The following FBP1 variants were observed in gnomAD, a reference collection of about 807,000 sequenced individuals.
FBP1 encodes the protein fructose-1,6-bisphosphatase 1.
In FBP1, 22 loss-of-function variants were observed where a neutral mutation model predicts 29.9. The ratio of observed to expected loss-of-function variants is 0.74; its 90% CI spans 0.53 to 1.05. The LOEUF is 1.05. Among genes scored for constraint, FBP1 ranks in the 50% least tolerant of loss-of-function variants. The probability of loss-of-function intolerance (pLI) is 0.00; values close to 1 mark genes in which losing one functional copy is unlikely to be tolerated. For synonymous variants in FBP1, 175 were observed against 178.6 expected (o/e 0.98, Z 0.16); for missense variants, 345 against 448.2 (o/e 0.77, Z 2.08).
Position 94,603,489 on chromosome 9 carries a change from C to G in FBP1, c.909G>C (p.Val303=). 2 of 1,614,102 alleles carry G rather than the reference C, an allele frequency of 1.2e-6. No homozygotes were observed. The part of the protein sequence containing the change: ...GGMATTGKEA[V]LDVIPTDIHQ... ...GAATGTCTGTGGGAATGACGTCTAA[C>G]ACGGCCTCCTTCCCAGTGGTGGCCA... The change falls in exon 7 of 7, where the codon GTG becomes GTC. Residue 303 remains valine (V), a synonymous_variant. Coordinates refer to ENST00000375326, the MANE Select transcript of FBP1 (RefSeq NM_000507.4).
intron 4 of FBP1, among the ~76,000 whole-genome samples, chr9:94,608,640 C>T (rs1235105272): frequency 1.3e-5 from 2 of 150,082 alleles, no homozygotes; most frequent in South Asian, 2.1e-4. Flanking sequence ...CCACATTTGG[C>T]GACTTTAACT....
At chr9:94,613,531 GAGGC>G (rs144949816) in intron 3 of FBP1, among the ~76,000 whole-genome samples, 2 of 53,976 alleles carry the variant, frequency 3.7e-5, no homozygotes, top group African/African-American at 5.7e-5. Flanking sequence ...TTGGGAGGTC[GAGGC>G]GGGAGGATCG....
At chr9:94,630,563 C>T (rs970269925) in intron 1 of FBP1, among the ~76,000 whole-genome samples, 1 of 152,190 alleles carries the variant, frequency 6.6e-6, no homozygotes, top group Non-Finnish European at 1.5e-5. Context: ...GGTTCATCTG[C>T]AATATGGGAA....
At chr9:94,614,969 T>C (rs4323529) in intron 3 of FBP1, among the ~76,000 whole-genome samples, 134,489 of 151,972 alleles carry the variant, frequency 0.88, 59,646 homozygotes, top group East Asian at 0.95. Context: ...AGTGCAGTGG[T>C]GCGATCTCGG....
At chr9:94,604,613 G>A (rs1827668939) in intron 6 of FBP1, among the ~76,000 whole-genome samples, 1 of 151,976 alleles carries the variant, frequency 6.6e-6, no homozygotes, top group African/African-American at 2.4e-5. Context: ...GTGAAACCCC[G>A]TCTCTACTAA....
intron 1 of FBP1, among the ~76,000 whole-genome samples, chr9:94,629,529 C>G (rs2131499344): frequency 6.6e-6 from 1 of 152,238 alleles, no homozygotes; most frequent in Non-Finnish European, 1.5e-5. Context: ...AAGGAAGGAT[C>G]AGAGCCTGAA....
chr9:94,619,700 C>G (rs1827915012), intron 2 of FBP1, among the ~76,000 whole-genome samples: 2 of 151,784 alleles, frequency 1.3e-5, no homozygotes, highest in Admixed American at 6.6e-5. Context: ...ATGGTGAAAC[C>G]TCATCTCCAC....
chr9:94,639,603 C>T (rs1828255366), upstream of FBP1: 2 of 526,432 alleles, frequency 3.8e-6, no homozygotes, highest in Non-Finnish European at 6.8e-6. Flanking sequence ...CCCCGCCTAC[C>T]CCGCGGACCA....
intron 3 of FBP1, among the ~76,000 whole-genome samples, chr9:94,611,235 C>T (rs1057162086): frequency 6.6e-6 from 1 of 152,198 alleles, no homozygotes; most frequent in Non-Finnish European, 1.5e-5. Context: ...TTCAGCTTAA[C>T]TACTCTCTGC....
At chr9:94,609,126 T>C (rs1220144076) in intron 4 of FBP1, among the ~76,000 whole-genome samples, 1 of 150,874 alleles carries the variant, frequency 6.6e-6, no homozygotes, top group Non-Finnish European at 1.5e-5. Flanking sequence ...GAGGCAGAAC[T>C]TGCAGTGAGC....
At position 94,603,376 on chromosome 9, in the gene FBP1, G is replaced by A. The variant is rs1827638983; in HGVS notation, c.*5C>T. 1 of 1,612,496 alleles carries A rather than the reference G, an allele frequency of 6.2e-7. No homozygotes were observed. The highest frequency in any genetic ancestry group is 8.5e-7 in the Non-Finnish European group (1 of 1,179,238). On this transcript the variant is annotated 3_prime_UTR_variant, in exon 7 of 7. Coordinates refer to ENST00000375326, the MANE Select transcript of FBP1 (RefSeq NM_000507.4). ...CAATTCTCCGGATGCAGGCAGGGCA[G>A]GTGCTCACTGGGCAGAGTGCTTCTC... is the stretch of plus-strand genomic sequence containing the variant.
rs907913048 is a variant in FBP1, at chr9:94,625,688, G to A, written c.171-5197C>T. On this transcript the variant is annotated intron_variant, in intron 1 of 6. Transcript: ENST00000375326. ...CAGGCGCCTGTGGTCCCAGCTACTC[G>A]GGAGGCTGAGGCAGGAGAAAGGCGT... Among the ~76,000 whole-genome samples the A allele has an allele frequency of 7.2e-5, 11 of 152,240 alleles. No homozygotes were observed. In the East Asian group the frequency reaches 1.5e-3, roughly 21 times the overall value.
intron 1 of FBP1, among the ~76,000 whole-genome samples, chr9:94,624,631 C>G (rs1827997423): frequency 6.6e-6 from 1 of 151,854 alleles, no homozygotes; most frequent in African/African-American, 2.4e-5. Context: ...CCAGCCTGGG[C>G]AACAAGAGCG....
At position 94,618,767 on chromosome 9, in the gene FBP1, A is replaced by G. The variant is rs28369705; in HGVS notation, c.334-907T>C. ...CAGTGGTGTGCAGGAGCTGGCTGGT[A>G]TCGGCTCTCAGGAGCTAACGGTGCA... On this transcript the variant is annotated intron_variant, in intron 2 of 6. Transcript: ENST00000375326. Among the ~76,000 whole-genome samples, 271 of 152,316 alleles carry G rather than the reference A, an allele frequency of 1.8e-3. 1 individual carries two copies. The highest frequency in any genetic ancestry group is 6.4e-3 in the African/African-American group (266 of 41,568).
intron 1 of FBP1, among the ~76,000 whole-genome samples, chr9:94,631,286 CTTTACT>C (rs1335090890): frequency 2.6e-5 from 4 of 152,132 alleles, no homozygotes; most frequent in Non-Finnish European, 5.9e-5. Context: ...AATATCTCTT[CTTTACT>C]TTTACTGTAA....
At chr9:94,612,994 G>A (rs1439367231) in intron 3 of FBP1, among the ~76,000 whole-genome samples, 5 of 152,102 alleles carry the variant, frequency 3.3e-5, no homozygotes, top group African/African-American at 9.7e-5. Flanking sequence ...GCCTATCTGA[G>A]GCCACCACCT....
chr9:94,626,920 G>T (rs1287781004), intron 1 of FBP1, among the ~76,000 whole-genome samples: 2 of 152,122 alleles, frequency 1.3e-5, no homozygotes, highest in Admixed American at 1.3e-4. Flanking sequence ...CAGTCGCAGT[G>T]GCTCACACCT....
chr9:94,619,894 AAAAAAAAAG>A, intron 2 of FBP1, among the ~76,000 whole-genome samples: 1 of 147,980 alleles, frequency 6.8e-6, no homozygotes, highest in Admixed American at 7.2e-5. Context: ...AAAAAAAAAA[AAAAAAAAAG>A]AAGCAGAGAC....
intron 3 of FBP1, among the ~76,000 whole-genome samples, chr9:94,614,518 C>T (rs148660114): frequency 3.3e-5 from 5 of 152,048 alleles, no homozygotes; most frequent in Non-Finnish European, 4.4e-5. Flanking sequence ...CCAGCCTGGG[C>T]GACAGAGAGA....
Sources: gnomAD v4.1 joint callset for allele counts (sites outside exome capture counted in the v4.1 genomes callset) on GRCh38, gnomAD v4.1.1 for gene constraint, MANE v1.5 for transcripts, NCBI Gene and HGNC (gene_info 2026-07-23, HGNC 2026-07-21) for gene names.